The following SSBP2 variants were observed in gnomAD, a reference collection of about 807,000 sequenced individuals.
The protein encoded by SSBP2 is single-stranded DNA-binding protein 2.
Under a neutral mutation model 61.8 loss-of-function variants are expected in SSBP2, and 17 were observed. That is an observed-to-expected ratio of 0.28 (90% confidence interval 0.19 to 0.41). The LOEUF (loss-of-function observed/expected upper bound fraction) is 0.41, where lower values mean the gene tolerates loss of function less well. SSBP2 is among the 10% of genes least tolerant of loss of function. The pLI is 1.00. For missense variants in SSBP2, 310 were observed against 458.7 expected (o/e 0.68, Z 2.96); for synonymous variants, 139 against 141.3 (o/e 0.98, Z 0.12).
intron 2 of SSBP2, among the ~76,000 whole-genome samples, chr5:81,638,525 A>G (rs1346597880): frequency 5.6e-5 from 8 of 142,344 alleles, no homozygotes; most frequent in South Asian, 4.4e-4. Context: ...TCTCAGAGGG[A>G]AAAAAAAAAA....
At chr5:81,447,522 T>C (rs1763483285) in intron 11 of SSBP2, among the ~76,000 whole-genome samples, 1 of 152,190 alleles carries the variant, frequency 6.6e-6, no homozygotes. Context: ...CTAAAATTAA[T>C]TCAATAATTT....
At chr5:81,661,853 A>G (rs1487540739) in intron 1 of SSBP2, among the ~76,000 whole-genome samples, 2 of 152,128 alleles carry the variant, frequency 1.3e-5, no homozygotes, top group Non-Finnish European at 2.9e-5. Flanking sequence ...ATATTATCCC[A>G]TTTACCTACT....
intron 1 of SSBP2, among the ~76,000 whole-genome samples, chr5:81,707,421 C>T (rs747064220): frequency 6.6e-6 from 1 of 152,048 alleles, no homozygotes; most frequent in Non-Finnish European, 1.5e-5. Flanking sequence ...GAAATTTGGA[C>T]ACAGAGATAC....
intron 16 of SSBP2, among the ~76,000 whole-genome samples, chr5:81,423,809 T>A (rs1167504203): frequency 6.6e-6 from 1 of 152,062 alleles, no homozygotes; most frequent in Non-Finnish European, 1.5e-5. Flanking sequence ...GTGTTGAAAA[T>A]ATAGAATAGC....
At chr5:81,629,259 A>G (rs1747468932) in intron 3 of SSBP2, among the ~76,000 whole-genome samples, 1 of 152,200 alleles carries the variant, frequency 6.6e-6, no homozygotes, top group Non-Finnish European at 1.5e-5. Context: ...TGCTGGAATT[A>G]CAGGCGTGAG....
intron 6 of SSBP2, among the ~76,000 whole-genome samples, chr5:81,487,838 G>A (rs1766495216): frequency 6.6e-6 from 1 of 150,452 alleles, no homozygotes; most frequent in Admixed American, 6.6e-5. Context: ...TCTAGCCTCT[G>A]GCAACCACTG....
intron 4 of SSBP2, among the ~76,000 whole-genome samples, chr5:81,614,851 T>C (rs1745843398): frequency 6.6e-6 from 1 of 152,086 alleles, no homozygotes; most frequent in Non-Finnish European, 1.5e-5. Flanking sequence ...ATCAGCTCTC[T>C]AAAATCAGAT....
chr5:81,748,678 GC>G (rs1757511796), intron 1 of SSBP2, among the ~76,000 whole-genome samples: 2 of 152,174 alleles, frequency 1.3e-5, no homozygotes, highest in Admixed American at 1.3e-4. Flanking sequence ...AAGAATTCCT[GC>G]TGCCAATTGA....
At chr5:81,702,532 A>G (rs987422570) in intron 1 of SSBP2, among the ~76,000 whole-genome samples, 2 of 152,228 alleles carry the variant, frequency 1.3e-5, no homozygotes, top group African/African-American at 4.8e-5. Context: ...CGGAAAATAC[A>G]AAGTATATGA....
At chr5:81,464,191 C>T (rs928778999) in intron 9 of SSBP2, among the ~76,000 whole-genome samples, 4 of 152,082 alleles carry the variant, frequency 2.6e-5, no homozygotes, top group South Asian at 2.1e-4. Flanking sequence ...CTTTTGGCCT[C>T]GTAGTATTGC....
chr5:81,708,719 G>T (rs1430601172), intron 1 of SSBP2, among the ~76,000 whole-genome samples: 11 of 151,908 alleles, frequency 7.2e-5, no homozygotes, highest in Non-Finnish European at 1.5e-5. Flanking sequence ...CTGTATGTAT[G>T]GGCAATGTGT....
chr5:81,719,740 CAG>C (rs1041439328), intron 1 of SSBP2, among the ~76,000 whole-genome samples: 16 of 152,218 alleles, frequency 1.1e-4, no homozygotes, highest in Middle Eastern at 6.8e-3. Context: ...CAGAAGGAGA[CAG>C]GGGAAAGCAT....
intron 10 of SSBP2, among the ~76,000 whole-genome samples, chr5:81,456,363 T>C (rs1283297912): frequency 6.6e-6 from 1 of 151,810 alleles, no homozygotes; most frequent in Non-Finnish European, 1.5e-5. Context: ...TTTTTTTTTT[T>C]TTCATGTGGC....
intron 14 of SSBP2, 131 bp downstream of exon 14, chr5:81,440,423 CTGTA>C: frequency 1.6e-6 from 1 of 631,176 alleles, no homozygotes; most frequent in South Asian, 2.0e-5. Context: ...ATTAAACTAT[CTGTA>C]TGAGGTAAAA....
At chr5:81,548,975 T>C (rs1771966864) in intron 4 of SSBP2, among the ~76,000 whole-genome samples, 1 of 152,196 alleles carries the variant, frequency 6.6e-6, no homozygotes, top group South Asian at 2.1e-4. Context: ...ACTGAAATTT[T>C]ATACATATTT....
intron 1 of SSBP2, among the ~76,000 whole-genome samples, chr5:81,686,842 G>A (rs1332577015): frequency 1.1e-4 from 14 of 128,456 alleles, no homozygotes; most frequent in African/African-American, 1.5e-4. Context: ...GCAACAGAGC[G>A]AGACTTCATC....
chr5:81,622,981 C>A (rs1286739277), intron 3 of SSBP2, among the ~76,000 whole-genome samples: 1 of 152,056 alleles, frequency 6.6e-6, no homozygotes, highest in Non-Finnish European at 1.5e-5. Flanking sequence ...AAATAAATTT[C>A]AATATTTTTA....
chr5:81,466,647 A>G (rs142484285), intron 9 of SSBP2, among the ~76,000 whole-genome samples: 139 of 152,080 alleles, frequency 9.1e-4, no homozygotes, highest in Non-Finnish European at 1.7e-3. Context: ...CATATTTTAT[A>G]TACTATATGG....
intron 3 of SSBP2, among the ~76,000 whole-genome samples, chr5:81,617,908 A>AT (rs1186056161): frequency 1.5e-5 from 2 of 136,748 alleles, no homozygotes; most frequent in African/African-American, 5.5e-5. Flanking sequence ...ATGCTAAGAG[A>AT]TTTTGTCACC....
Sources: allele counts gnomAD v4.1 joint callset (sites outside exome capture counted in the v4.1 genomes callset), GRCh38; gene constraint gnomAD v4.1.1; transcripts MANE v1.5; gene names NCBI Gene and HGNC (gene_info 2026-07-23, HGNC 2026-07-21).